Variants in ZSWIM5 observed in about 807,000 individuals in gnomAD.
ZSWIM5 encodes zinc finger SWIM-type containing 5, also known as zinc finger SWIM domain-containing protein 5.
Under a neutral mutation model 119.6 loss-of-function variants are expected in ZSWIM5, and 55 were observed. The ratio of observed to expected loss-of-function variants is 0.46; its 90% CI spans 0.37 to 0.58. The LOEUF (loss-of-function observed/expected upper bound fraction) is 0.58. ZSWIM5 is among the 20% of genes least tolerant of loss of function. The pLI is 0.00. For synonymous variants in ZSWIM5, 537 were observed against 606.9 expected (o/e 0.88, Z 1.69); for missense variants, 1,193 against 1,512.8 (o/e 0.79, Z 3.51).
In ZSWIM5 at chr1:45,057,428, C is replaced by T. The variant is rs976037664; in HGVS notation, c.1252+1181G>A. Among the ~76,000 whole-genome samples, 3 of 152,208 alleles carry T rather than the reference C, an allele frequency of 2.0e-5. No individual in the cohort carries two copies. Among genetic ancestry groups the T allele is most frequent in the African/African-American group, 4.8e-5 (2 of 41,454 alleles). On this transcript the variant is annotated intron_variant, in intron 4 of 13. Coordinates refer to ENST00000359600, the MANE Select transcript of ZSWIM5 (RefSeq NM_020883.2). The surrounding 1 kb of genome is among the most constrained non-coding windows in gnomAD (Gnocchi z 4.7). ...ACCAGGAGCCATCTCTACTTACTTC[C>T]TCCCAACTACCTTTGTCCCAGAGGT...
chr1:45,109,744 G>GA (rs11441316), intron 1 of ZSWIM5, among the ~76,000 whole-genome samples: 128,311 of 146,448 alleles, frequency 0.88, 56,188 homozygotes, highest in South Asian at 0.94. Flanking sequence ...GACTTCGTAT[G>GA]AAAAAAAAAA....
At position 45,111,705 on chromosome 1, in the gene ZSWIM5, G is replaced by A. The variant is rs111908770; in HGVS notation, c.596-23468C>T. 2.5e-3 allele frequency among the ~76,000 whole-genome samples: 376 copies of A among 152,308 alleles called. 1 individual carries two copies. The highest frequency in any genetic ancestry group is 8.7e-3 in the African/African-American group (361 of 41,558). On this transcript the variant is annotated intron_variant, in intron 1 of 13. Transcript: ENST00000359600. The stretch of plus-strand genomic sequence containing the variant: ...AATGCCAGCAATGGCTGTATCTTAC[G>A]CTGTATCAATCTGACATTGAATCTC...
chr1:45,082,973 CA>C (rs932249596), intron 2 of ZSWIM5, among the ~76,000 whole-genome samples: 3 of 152,116 alleles, frequency 2.0e-5, no homozygotes, highest in Non-Finnish European at 2.9e-5. Flanking sequence ...GAATGAGGCA[CA>C]AAAGCAGGCC....
intron 1 of ZSWIM5, among the ~76,000 whole-genome samples, chr1:45,176,212 A>G: frequency 6.6e-6 from 1 of 151,296 alleles, no homozygotes; most frequent in Non-Finnish European, 1.5e-5. Context: ...ATCTCCAATT[A>G]CAATCCAAAA....
chr1:45,109,868 T>C (rs1645505270), intron 1 of ZSWIM5, among the ~76,000 whole-genome samples: 1 of 152,160 alleles, frequency 6.6e-6, no homozygotes, highest in Non-Finnish European at 1.5e-5. Flanking sequence ...ATGTACTATA[T>C]TTTTCCTTTT....
At chr1:45,070,322 C>A in intron 2 of ZSWIM5, 1 of 1,420,032 alleles carries the variant, frequency 7.0e-7, no homozygotes. Flanking sequence ...ACGCCACCAC[C>A]AGAGCATACA....
chr1:45,020,905 C>T (rs998458990), intron 11 of ZSWIM5, 117 bp from the exon 12 acceptor site: 1 of 1,232,144 alleles, frequency 8.1e-7, no homozygotes, highest in Non-Finnish European at 1.1e-6. Context: ...CTTCTGAATG[C>T]TACCGCCCCT....
chr1:45,093,071 G>A (rs1009196673), intron 1 of ZSWIM5, among the ~76,000 whole-genome samples: 2 of 152,092 alleles, frequency 1.3e-5, no homozygotes, highest in Non-Finnish European at 2.9e-5. Context: ...CTCATTCAAA[G>A]GTCACTCTGC....
intron 11 of ZSWIM5, among the ~76,000 whole-genome samples, chr1:45,032,160 C>T (rs1464761323): frequency 6.6e-6 from 1 of 152,112 alleles, no homozygotes; most frequent in Admixed American, 6.6e-5. Flanking sequence ...CAGGGTCTTG[C>T]TCTGTCACCC....
At chr1:45,190,557 T>C (rs1570203066) in intron 1 of ZSWIM5, among the ~76,000 whole-genome samples, 1 of 152,126 alleles carries the variant, frequency 6.6e-6, no homozygotes, top group East Asian at 1.9e-4. Flanking sequence ...GAATTTACTC[T>C]ACGAAATGAA....
chr1:45,193,955 T>C (rs12728796), intron 1 of ZSWIM5, among the ~76,000 whole-genome samples: 8,470 of 151,762 alleles, frequency 0.056, 339 homozygotes, highest in Non-Finnish European at 0.085. Context: ...TATATATATA[T>C]ACATACATGC....
intron 1 of ZSWIM5, among the ~76,000 whole-genome samples, chr1:45,109,132 A>G (rs1226800481): frequency 3.9e-5 from 6 of 152,238 alleles, no homozygotes; most frequent in African/African-American, 1.2e-4. Context: ...CAGTTAGGAC[A>G]ATGCTTATCA....
At chr1:45,091,270 G>A (rs961138531) in intron 1 of ZSWIM5, among the ~76,000 whole-genome samples, 5 of 152,096 alleles carry the variant, frequency 3.3e-5, no homozygotes, top group Non-Finnish European at 7.4e-5. Flanking sequence ...GTACATTGTT[G>A]AGAAATGACT....
chr1:45,153,933 T>C (rs960279171), intron 1 of ZSWIM5, among the ~76,000 whole-genome samples: 3 of 152,094 alleles, frequency 2.0e-5, no homozygotes, highest in Non-Finnish European at 4.4e-5. Flanking sequence ...CACAAATCAA[T>C]AGCTCTACTA....
chr1:45,180,550 G>A (rs999323167), intron 1 of ZSWIM5, among the ~76,000 whole-genome samples: 17 of 152,178 alleles, frequency 1.1e-4, no homozygotes, highest in African/African-American at 4.1e-4. Context: ...AGACTTAAAT[G>A]TCCCTGTCTG....
intron 5 of ZSWIM5, among the ~76,000 whole-genome samples, chr1:45,050,287 G>A (rs1471677484): frequency 6.6e-6 from 1 of 152,130 alleles, no homozygotes. Flanking sequence ...AACCCTGGAG[G>A]CAGAGGTTGC....
At chr1:45,127,141 G>A (rs983594353) in intron 1 of ZSWIM5, among the ~76,000 whole-genome samples, 2 of 152,006 alleles carry the variant, frequency 1.3e-5, no homozygotes, top group Admixed American at 6.6e-5. Context: ...AGAAGTCAAC[G>A]ATATATAAAA....
intron 1 of ZSWIM5, among the ~76,000 whole-genome samples, chr1:45,181,325 A>C (rs1317016678): frequency 2.0e-5 from 3 of 152,130 alleles, no homozygotes; most frequent in African/African-American, 4.8e-5. Flanking sequence ...ACTGGAAGAA[A>C]GGGTATCAGT....
At chr1:45,189,624 C>T (rs940050573) in intron 1 of ZSWIM5, among the ~76,000 whole-genome samples, 4 of 151,650 alleles carry the variant, frequency 2.6e-5, no homozygotes, top group East Asian at 3.9e-4. Context: ...GGCATGGCGG[C>T]GTGCACCTGC....
Sources: gnomAD v4.1 joint callset for allele counts (sites outside exome capture counted in the v4.1 genomes callset) on GRCh38, gnomAD v4.1.1 for gene constraint, Gnocchi (gnomAD v3.1) non-coding constraint, MANE v1.5 for transcripts, NCBI Gene and HGNC (gene_info 2026-07-23, HGNC 2026-07-21) for gene names.